Variants in DMD observed in about 807,000 individuals in gnomAD.
DMD encodes the protein mutant dystrophin.
Under a neutral mutation model 330.1 loss-of-function variants are expected in DMD, and 63 were observed. The observed-to-expected ratio is 0.19, with a 90% confidence interval of 0.16 to 0.24. The LOEUF is 0.24. Ranked by LOEUF, DMD falls within the 10% of genes least tolerant of loss-of-function variation. The pLI is 1.00. For missense variants in DMD, 3,344 were observed against 2,684.1 expected (o/e 1.25, Z -5.43); for synonymous variants, 1,223 against 959.8 (o/e 1.27, Z -5.07).
chrX:32,464,875 G>T (rs1557370187), intron 23 of DMD, among the ~76,000 whole-genome samples, 176 bp from the exon 24 acceptor site: 1 of 111,951 alleles, frequency 8.9e-6, no homozygotes, highest in African/African-American at 3.2e-5. Context: ...ATGGTCTACT[G>T]TATGAGCACT....
chrX:32,483,863 T>C (rs747926422), intron 21 of DMD, among the ~76,000 whole-genome samples: 3 of 107,915 alleles, frequency 2.8e-5, no homozygotes, highest in South Asian at 8.2e-4. Context: ...CTTTGCTTTA[T>C]TTAGCTCATT....
At chrX:31,449,771 T>TAG (rs1346030957) in intron 59 of DMD, among the ~76,000 whole-genome samples, 3 of 79,598 alleles carry the variant, frequency 3.8e-5, no homozygotes, top group African/African-American at 1.5e-4. Context: ...GTGATATATA[T>TAG]ATATATATAT....
rs189896732 is a variant in DMD at position 32,565,871 on chromosome X, G to A, written c.1823C>T (p.Ala608Val). Reference sequence around the variant, plus strand: ...GGATTGCTTTTTCTTTTCTAGATCCGCTTTTAAAACCTGTTAAAACAAGAA... The same window carrying A: ...GGATTGCTTTTTCTTTTCTAGATCCACTTTTAAAACCTGTTAAAACAAGAA... The part of the protein sequence containing the change: ...SSLQKLAVLK[A>V]DLEKKKQSMG... The change falls in exon 16 of 79, where the codon GCG becomes GTG. Residue 608 changes from alanine (A) to valine (V), a missense_variant. By Grantham distance (64) the Ala-to-Val change is moderately conservative. Coordinates refer to ENST00000357033, the MANE Select transcript of DMD (RefSeq NM_004006.3). 1.1e-5 allele frequency: 13 copies of A among 1,207,636 alleles called. No individual in the cohort carries two copies. The highest frequency in any genetic ancestry group is 5.9e-5 in the East Asian group (2 of 33,697).
At chrX:31,830,255 A>T (rs2092992081) in intron 49 of DMD, among the ~76,000 whole-genome samples, 1 of 112,837 alleles carries the variant, frequency 8.9e-6, no homozygotes, top group Admixed American at 9.4e-5. Flanking sequence ...AAAGCCAAAC[A>T]ACTTAAAAAG....
chrX:31,528,586 G>A (rs914780158), intron 55 of DMD, among the ~76,000 whole-genome samples: 6 of 112,314 alleles, frequency 5.3e-5, no homozygotes, highest in African/African-American at 1.6e-4. Flanking sequence ...AGCACTGAGC[G>A]CACTCGAGGC....
chrX:31,366,819 TGTCTG>T (rs2059289696), intron 60 of DMD, among the ~76,000 whole-genome samples: 1 of 110,260 alleles, frequency 9.1e-6, no homozygotes. Flanking sequence ...TATTTCTGTC[TGTCTG>T]ATTTTTTTCT....
chrX:31,625,849 A>C (rs1243757288), intron 55 of DMD, among the ~76,000 whole-genome samples: 2 of 111,953 alleles, frequency 1.8e-5, no homozygotes, highest in African/African-American at 6.5e-5. Flanking sequence ...CCTGACATAA[A>C]ATAATTTTTT....
intron 1 of DMD, among the ~76,000 whole-genome samples, chrX:33,295,642 C>T (rs1331451889): frequency 1.8e-5 from 2 of 111,459 alleles, no homozygotes; most frequent in African/African-American, 6.5e-5. Context: ...AAGCCTTGTT[C>T]TAAACAAATT....
intron 44 of DMD, among the ~76,000 whole-genome samples, chrX:32,131,110 G>A (rs745757288): frequency 2.0e-4 from 22 of 111,333 alleles, no homozygotes; most frequent in South Asian, 7.6e-4. Flanking sequence ...ATTTGAACCC[G>A]GGAGGCAGAG....
At chrX:32,432,218 C>T (rs1472410132) in intron 29 of DMD, among the ~76,000 whole-genome samples, 2 of 111,515 alleles carry the variant, frequency 1.8e-5, no homozygotes, top group Non-Finnish European at 3.8e-5. Flanking sequence ...CATTATCTTA[C>T]TGATAGAACC....
intron 31 of DMD, among the ~76,000 whole-genome samples, 183 bp from the exon 32 acceptor site, chrX:32,389,857 G>GT (rs1569560752): frequency 1.8e-5 from 2 of 111,610 alleles, no homozygotes; most frequent in East Asian, 2.8e-4. Flanking sequence ...TGATTCAGTA[G>GT]TTTTTTCTTA....
At chrX:31,846,485 GTTA>G (rs765830729) in intron 48 of DMD, among the ~76,000 whole-genome samples, 16 of 109,122 alleles carry the variant, frequency 1.5e-4, no homozygotes, top group Non-Finnish European at 2.7e-4. Context: ...TTTAAGGATA[GTTA>G]TTAATTATGG....
At chrX:31,436,924 T>A (rs1158779303) in intron 60 of DMD, among the ~76,000 whole-genome samples, 1 of 111,695 alleles carries the variant, frequency 9.0e-6, no homozygotes, top group African/African-American at 3.2e-5. Flanking sequence ...TACTTCTTTC[T>A]TTTTTTTATT....
At chrX:32,807,122 T>TTAAAAAAAAAAAAAAAAAAA (rs1345640031) in intron 7 of DMD, among the ~76,000 whole-genome samples, 2 of 20,744 alleles carry the variant, frequency 9.6e-5, no homozygotes, top group African/African-American at 4.4e-4. Context: ...CGGAAACATT[T>TTAAAAAAAAAAAAAAAAAAA]AAAAAAAAAA....
At chrX:31,286,867 T>C (rs1274927732) in intron 62 of DMD, among the ~76,000 whole-genome samples, 1 of 112,275 alleles carries the variant, frequency 8.9e-6, no homozygotes, top group Non-Finnish European at 1.9e-5. Flanking sequence ...CATGTTCAAG[T>C]GATTCTCATA....
At chrX:32,153,952 C>A (rs775982030) in intron 44 of DMD, among the ~76,000 whole-genome samples, 3 of 112,381 alleles carry the variant, frequency 2.7e-5, no homozygotes, top group African/African-American at 9.7e-5. Flanking sequence ...AACTTGGTAT[C>A]TTTTCTCCCC....
intron 52 of DMD, among the ~76,000 whole-genome samples, chrX:31,715,882 G>A (rs1191037214): frequency 2.7e-5 from 3 of 111,636 alleles, no homozygotes; most frequent in Non-Finnish European, 5.6e-5. Flanking sequence ...TAATTCCAGT[G>A]ATGACTCATG....
At chrX:32,849,595 T>C (rs2080965515) in intron 3 of DMD, 133 bp downstream of exon 3, 1 of 485,110 alleles carries the variant, frequency 2.1e-6, no homozygotes, top group Admixed American at 3.5e-5. Flanking sequence ...GAGGTTGCTT[T>C]ACTAAGGAAT....
chrX:32,618,676 T>C (rs918778868), intron 11 of DMD, among the ~76,000 whole-genome samples: 1 of 111,285 alleles, frequency 9.0e-6, no homozygotes, highest in African/African-American at 3.3e-5. Context: ...AATATAATAG[T>C]AATTAACGAT....
Sources: allele counts gnomAD v4.1 joint callset (sites outside exome capture counted in the v4.1 genomes callset), GRCh38; gene constraint gnomAD v4.1.1; transcripts MANE v1.5; gene names NCBI Gene and HGNC (gene_info 2026-07-23, HGNC 2026-07-21).